CDH13: variants seen among roughly 807,000 people sequenced by gnomAD.
CDH13 encodes the protein cadherin 13, also known as cadherin-13.
CDH13 carries 24 observed loss-of-function variants against 63.8 expected under a neutral mutation model. That is an observed-to-expected ratio of 0.38 (90% CI 0.27 to 0.53). The LOEUF is 0.53. Among genes scored for constraint, CDH13 ranks in the 20% least tolerant of loss-of-function variants. The pLI, the probability that CDH13 is intolerant of heterozygous loss-of-function variation, is 0.85. For synonymous variants in CDH13, 503 were observed against 355.3 expected (o/e 1.42, Z -4.67); for missense variants, 1,049 against 903.1 (o/e 1.16, Z -2.07).
At chr16:82,951,577 T>TTGAGATG (rs1342906992) in intron 2 of CDH13, among the ~76,000 whole-genome samples, 6 of 151,976 alleles carry the variant, frequency 3.9e-5, no homozygotes, top group Non-Finnish European at 1.5e-5. Context: ...TGGCAATGAG[T>TTGAGATG]CCTATTTTGT....
chr16:83,621,777 G>A (rs757323121), intron 8 of CDH13, among the ~76,000 whole-genome samples: 55 of 149,966 alleles, frequency 3.7e-4, no homozygotes, highest in African/African-American at 1.1e-3. Context: ...GTGAGCCACC[G>A]CACGCAGCCA....
intron 7 of CDH13, among the ~76,000 whole-genome samples, chr16:83,564,828 T>TC (rs1191397858): frequency 6.6e-6 from 1 of 152,178 alleles, no homozygotes; most frequent in Non-Finnish European, 1.5e-5. Flanking sequence ...AAGGCAGCCC[T>TC]CCTCTGCCCT....
chr16:83,064,897 T>C (rs748176981), intron 3 of CDH13, among the ~76,000 whole-genome samples: 3 of 152,190 alleles, frequency 2.0e-5, no homozygotes, highest in Non-Finnish European at 2.9e-5. Flanking sequence ...TTTTGAAATA[T>C]ATAATACATT....
At chr16:83,780,623 T>C (rs1915451063) in intron 12 of CDH13, among the ~76,000 whole-genome samples, 1 of 152,222 alleles carries the variant, frequency 6.6e-6, no homozygotes, top group Non-Finnish European at 1.5e-5. Flanking sequence ...TAGTGAACTT[T>C]CTCTTAACTA....
intron 10 of CDH13, among the ~76,000 whole-genome samples, chr16:83,695,111 G>A (rs1178806091): frequency 6.6e-6 from 1 of 152,116 alleles, no homozygotes; most frequent in African/African-American, 2.4e-5. Flanking sequence ...GGAGGCTAAG[G>A]CAGGAGAATC....
intron 10 of CDH13, among the ~76,000 whole-genome samples, chr16:83,722,630 G>A (rs1415917684): frequency 6.6e-6 from 1 of 152,200 alleles, no homozygotes; most frequent in Non-Finnish European, 1.5e-5. Flanking sequence ...AATGAGAGAA[G>A]TCTAACCTTG....
At chr16:82,682,862 A>G (rs1914691642) in intron 1 of CDH13, among the ~76,000 whole-genome samples, 1 of 152,202 alleles carries the variant, frequency 6.6e-6, no homozygotes, top group Admixed American at 6.5e-5. Context: ...CCCCTGAGCC[A>G]TGACCCAGCC....
intron 7 of CDH13, among the ~76,000 whole-genome samples, chr16:83,561,113 C>T (rs1273315818): frequency 6.6e-6 from 1 of 152,034 alleles, no homozygotes; most frequent in Non-Finnish European, 1.5e-5. Context: ...CTTTTCTTCC[C>T]TTGAAAAATA....
intron 2 of CDH13, among the ~76,000 whole-genome samples, chr16:82,924,733 G>T (rs2042252810): frequency 6.6e-6 from 1 of 152,156 alleles, no homozygotes; most frequent in Admixed American, 6.5e-5. Context: ...ACCATGGCCA[G>T]CCCTTCTCAG....
intron 5 of CDH13, among the ~76,000 whole-genome samples, chr16:83,302,141 T>C (rs79940591): frequency 0.015 from 2,227 of 152,246 alleles, 49 homozygotes; most frequent in African/African-American, 0.047. Context: ...GAGTTCTCAG[T>C]GTAGAGTAAG....
intron 11 of CDH13, among the ~76,000 whole-genome samples, chr16:83,749,332 C>A (rs1307440581): frequency 6.6e-6 from 1 of 152,016 alleles, no homozygotes. Flanking sequence ...ATGTGACACA[C>A]AATAAGTAGA....
intron 2 of CDH13, among the ~76,000 whole-genome samples, chr16:82,928,619 C>T (rs887694047): frequency 1.3e-5 from 2 of 152,280 alleles, no homozygotes; most frequent in East Asian, 3.9e-4. Flanking sequence ...GTTTTTTCAA[C>T]ATAAATAAAT....
intron 8 of CDH13, among the ~76,000 whole-genome samples, chr16:83,648,020 G>A (rs902237971): frequency 1.3e-5 from 2 of 152,192 alleles, no homozygotes; most frequent in East Asian, 3.8e-4. Context: ...GGAAACTGGA[G>A]TCTAGTGACC....
intron 2 of CDH13, chr16:82,990,442 C>T (rs1186228445): frequency 2.0e-5 from 3 of 152,132 alleles, no homozygotes; most frequent in Non-Finnish European, 4.4e-5. Flanking sequence ...CTGGGCCCCT[C>T]CTGGACTTAC....
intron 4 of CDH13, among the ~76,000 whole-genome samples, chr16:83,165,637 G>A (rs1478175103): frequency 6.6e-6 from 1 of 152,028 alleles, no homozygotes; most frequent in Admixed American, 6.6e-5. Flanking sequence ...CAGCAGAGAA[G>A]GGGAGGAAGG....
chr16:83,152,520 T>C (rs1425935471), intron 4 of CDH13, among the ~76,000 whole-genome samples: 7 of 152,234 alleles, frequency 4.6e-5, no homozygotes, highest in Admixed American at 4.6e-4. Flanking sequence ...TACATTTTTT[T>C]CTACTTGAAA....
intron 2 of CDH13, among the ~76,000 whole-genome samples, chr16:83,007,881 T>A (rs960114193): frequency 6.6e-6 from 1 of 152,136 alleles, no homozygotes; most frequent in Non-Finnish European, 1.5e-5. Context: ...CATGCAACTT[T>A]TTCTTTCTTT....
At position 83,665,794 on chromosome 16, in the gene CDH13, TA is replaced by T. The variant is rs34056807; in HGVS notation, c.1102-4995del. Among the ~76,000 whole-genome samples the T allele has an allele frequency of 5.6e-3, 854 of 152,336 alleles. 6 individuals are homozygous for T. The highest frequency in any genetic ancestry group is 0.038 in the East Asian group (199 of 5,188). On this transcript the variant is annotated intron_variant, in intron 8 of 13. Transcript: ENST00000567109. ...TGTGTCTTTCCAGCCTTCTGATCAT[TA>T]TTTCCATCTTCCATGTTAATCTAAA...
At chr16:83,170,190 A>G (rs541333622) in intron 4 of CDH13, among the ~76,000 whole-genome samples, 4 of 152,280 alleles carry the variant, frequency 2.6e-5, no homozygotes, top group African/African-American at 9.6e-5. Context: ...GTCTTAACAC[A>G]TGACAATAAA....
Sources: gnomAD v4.1 joint callset for allele counts (sites outside exome capture counted in the v4.1 genomes callset) on GRCh38, gnomAD v4.1.1 for gene constraint, MANE v1.5 for transcripts, NCBI Gene and HGNC (gene_info 2026-07-23, HGNC 2026-07-21) for gene names.